The following AOPEP variants were observed in gnomAD, a reference collection of about 807,000 sequenced individuals.
The protein encoded by AOPEP is aminopeptidase O.
In AOPEP, 77 loss-of-function variants were observed where a neutral mutation model predicts 98.1. The observed-to-expected ratio is 0.78, with a 90% CI of 0.65 to 0.95. The LOEUF is 0.95. Among genes scored for constraint, AOPEP ranks in the 40% least tolerant of loss-of-function variants. The probability of loss-of-function intolerance (pLI) is 0.00; values close to 1 mark genes in which losing one functional copy is unlikely to be tolerated. For synonymous variants in AOPEP, 346 were observed against 365.3 expected, an observed-to-expected ratio of 0.95 and a Z score of 0.60; for missense variants, 1,024 against 1,024.7, an observed-to-expected ratio of 1.00 and a Z score of 0.01.
intron 5 of AOPEP, among the ~76,000 whole-genome samples, chr9:94,862,738 G>A (rs1209805608): frequency 6.6e-6 from 1 of 152,122 alleles, no homozygotes; most frequent in Non-Finnish European, 1.5e-5. Flanking sequence ...GCACTTTGTT[G>A]CCTCATGTTG....
At chr9:95,088,732 C>A (rs1238055586), downstream of AOPEP, among the ~76,000 whole-genome samples, 1 of 152,210 alleles carries the variant, frequency 6.6e-6, no homozygotes, top group Non-Finnish European at 1.5e-5. Flanking sequence ...GCTTTATCTT[C>A]TTTAGAAACC....
chr9:95,123,895 C>T, the AOPEP span: 15 of 489,968 alleles, frequency 3.1e-5, no homozygotes, highest in African/African-American at 1.8e-4. Flanking sequence ...AGTCTGAAGA[C>T]GGACTATTCT....
chr9:94,893,998 C>A lies in AOPEP; in HGVS notation c.1365-29988C>A, dbSNP rs142005594. Among the ~76,000 whole-genome samples the A allele has an allele frequency of 6.1e-3, 929 of 152,238 alleles. 4 individuals carry two copies. The highest frequency in any genetic ancestry group is 0.021 in the Middle Eastern group (6 of 292). On this transcript the variant is annotated intron_variant, in intron 5 of 16. Transcript: ENST00000375315. ...AAATGAGGAAATAATAAAAGAAGAACAATTTATCCCTCTTCTACTAAAACC... is the reference window on the plus strand; with the variant it reads ...AAATGAGGAAATAATAAAAGAAGAAAAATTTATCCCTCTTCTACTAAAACC...
At chr9:94,946,899 C>T (rs759690153) in intron 7 of AOPEP, among the ~76,000 whole-genome samples, 10 of 150,874 alleles carry the variant, frequency 6.6e-5, no homozygotes, top group Non-Finnish European at 1.5e-4. Flanking sequence ...GGATCTGGAT[C>T]ATCCAGAAAG....
At chr9:94,938,199 A>G (rs2056565366) in intron 7 of AOPEP, among the ~76,000 whole-genome samples, 1 of 152,170 alleles carries the variant, frequency 6.6e-6, no homozygotes, top group Non-Finnish European at 1.5e-5. Context: ...GGTCCAACCA[A>G]ATACATATCT....
chr9:95,119,548 T>C, the AOPEP span, among the ~76,000 whole-genome samples: 3 of 152,058 alleles, frequency 2.0e-5, no homozygotes, highest in African/African-American at 7.2e-5. Flanking sequence ...GTATTTTTAG[T>C]AGAGACGGGG....
intron 13 of AOPEP, among the ~76,000 whole-genome samples, chr9:95,023,328 C>T (rs934117990): frequency 6.6e-6 from 1 of 152,180 alleles, no homozygotes; most frequent in Non-Finnish European, 1.5e-5. Flanking sequence ...ATCAGCGTGG[C>T]GGATGTGGGC....
At chr9:94,772,863 T>C in intron 2 of AOPEP, 139 bp from the exon 3 acceptor site, 1 of 794,796 alleles carries the variant, frequency 1.3e-6, no homozygotes, top group Non-Finnish European at 1.9e-6. Context: ...CAGTTCAAAA[T>C]GCTAGGAAAC....
chr9:95,090,942 G>C (rs1193719944), downstream of AOPEP, among the ~76,000 whole-genome samples: 2 of 152,218 alleles, frequency 1.3e-5, no homozygotes, highest in African/African-American at 4.8e-5. Context: ...CCACACCCAA[G>C]ACAGCCCTGA....
chr9:95,109,234 T>G, the AOPEP span, among the ~76,000 whole-genome samples: 1 of 152,230 alleles, frequency 6.6e-6, no homozygotes, highest in African/African-American at 2.4e-5. Context: ...TTTCATGGTA[T>G]GTAACAGAAT....
intron 11 of AOPEP, among the ~76,000 whole-genome samples, chr9:94,981,026 A>G (rs966984906): frequency 1.3e-5 from 2 of 152,210 alleles, no homozygotes; most frequent in Non-Finnish European, 2.9e-5. Context: ...CTGGCTCCCA[A>G]ATTTCCTGGC....
chr9:94,931,857 G>A, intron 7 of AOPEP: 2 of 1,438,568 alleles, frequency 1.4e-6, no homozygotes, highest in Non-Finnish European at 1.9e-6. Flanking sequence ...TACTCTCCTT[G>A]AGTTCCCTCT....
At chr9:95,134,991 A>G in the AOPEP span, among the ~76,000 whole-genome samples, 1 of 152,198 alleles carries the variant, frequency 6.6e-6, no homozygotes, top group Non-Finnish European at 1.5e-5. Context: ...TATTTTTTGA[A>G]TGTTTTTAAT....
In AOPEP at chr9:94,920,503, G is replaced by A. The variant is rs531047063; in HGVS notation, c.1365-3483G>A. Among the ~76,000 whole-genome samples, 78 of 152,118 alleles carry A rather than the reference G, an allele frequency of 5.1e-4. 2 individuals carry two copies. Among genetic ancestry groups the A allele is most frequent in the Non-Finnish European group, 1.0e-3 (71 of 68,010 alleles). ...GTGGCAGCAGCATCTAGCCAGGGCC[G>A]CCAAGTGCTGGGTCGCTCCACCCAC... On this transcript the variant is annotated intron_variant, in intron 5 of 16. Transcript: ENST00000375315.
At chr9:94,735,073 A>G (rs58281499) in intron 1 of AOPEP, among the ~76,000 whole-genome samples, 7,889 of 152,244 alleles carry the variant, frequency 0.052, 229 homozygotes, top group Admixed American at 0.077. Context: ...ATATGCATTG[A>G]CCAGTGAAAT....
intron 11 of AOPEP, among the ~76,000 whole-genome samples, chr9:94,996,446 T>C (rs1029205959): frequency 1.3e-5 from 2 of 151,858 alleles, no homozygotes; most frequent in Middle Eastern, 3.2e-3. Flanking sequence ...CCCATTCCTC[T>C]TGTTGCAAGT....
chr9:95,103,274 C>T, the AOPEP span, among the ~76,000 whole-genome samples: 1 of 152,200 alleles, frequency 6.6e-6, no homozygotes, highest in Non-Finnish European at 1.5e-5. Context: ...TGGGCCCCTT[C>T]CCAGCTCTCT....
chr9:94,975,015 A>C (rs1412141379), intron 10 of AOPEP, among the ~76,000 whole-genome samples: 3 of 152,178 alleles, frequency 2.0e-5, no homozygotes, highest in African/African-American at 7.2e-5. Flanking sequence ...GGATCATTTG[A>C]GGCCAGGAGT....
At chr9:95,056,875 A>G (rs1028182937) in intron 13 of AOPEP, among the ~76,000 whole-genome samples, 3 of 152,174 alleles carry the variant, frequency 2.0e-5, no homozygotes, top group African/African-American at 7.2e-5. Flanking sequence ...TACTCATTTC[A>G]GTAAGTTTCA....
Sources: allele counts gnomAD v4.1 joint callset (sites outside exome capture counted in the v4.1 genomes callset), GRCh38; gene constraint gnomAD v4.1.1; transcripts MANE v1.5; gene names NCBI Gene and HGNC (gene_info 2026-07-23, HGNC 2026-07-21).